Variants in CAST observed in about 807,000 individuals in gnomAD.
The protein encoded by CAST is calpastatin.
CAST carries 76 observed loss-of-function variants against 119.6 expected under a neutral mutation model. The observed-to-expected ratio is 0.64, with a 90% CI of 0.53 to 0.77. The LOEUF (loss-of-function observed/expected upper bound fraction) is 0.77. Among genes scored for constraint, CAST ranks in the 30% least tolerant of loss-of-function variants. The pLI, the probability that CAST is intolerant of heterozygous loss-of-function variation, is 0.00. For synonymous variants in CAST, 319 were observed against 331.6 expected (o/e 0.96, Z 0.41); for missense variants, 953 against 946.5 (o/e 1.01, Z -0.09).
chr5:96,405,530 G>C, the CAST span, among the ~76,000 whole-genome samples: 23 of 152,202 alleles, frequency 1.5e-4, no homozygotes, highest in Middle Eastern at 3.4e-3. Flanking sequence ...AATTAGCCAG[G>C]CATGGTGGCA....
chr5:96,437,761 A>G, the CAST span, among the ~76,000 whole-genome samples: 1 of 152,172 alleles, frequency 6.6e-6, no homozygotes, highest in South Asian at 2.1e-4. Flanking sequence ...TTAAAGTTTG[A>G]GACGCACTGA....
At chr5:96,538,649 T>C (rs1745860137) in intron 1 of CAST, among the ~76,000 whole-genome samples, 1 of 149,616 alleles carries the variant, frequency 6.7e-6, no homozygotes, top group African/African-American at 2.5e-5. Context: ...ACCTCAATCT[T>C]GTTTTGCAAC....
At chr5:96,131,004 C>T in the CAST span, among the ~76,000 whole-genome samples, 1 of 152,076 alleles carries the variant, frequency 6.6e-6, no homozygotes, top group Non-Finnish European at 1.5e-5. Context: ...ACACCTTTAT[C>T]TAGCAATTGT....
chr5:96,292,360 A>G, the CAST span, among the ~76,000 whole-genome samples: 3 of 152,210 alleles, frequency 2.0e-5, no homozygotes, highest in Non-Finnish European at 4.4e-5. Flanking sequence ...TTTTAATGTC[A>G]TAATAACTAC....
the CAST span, among the ~76,000 whole-genome samples, chr5:96,256,885 A>C: frequency 6.6e-6 from 1 of 152,190 alleles, no homozygotes; most frequent in Non-Finnish European, 1.5e-5. Flanking sequence ...GAGGGGCACC[A>C]GGAATCCAGG....
chr5:96,332,365 A>G, the CAST span, among the ~76,000 whole-genome samples: 2 of 150,910 alleles, frequency 1.3e-5, no homozygotes, highest in African/African-American at 2.4e-5. Flanking sequence ...GTTGTGTATC[A>G]CCTTCATTAA....
At chr5:96,010,131 T>C in the CAST span, among the ~76,000 whole-genome samples, 15 of 152,178 alleles carry the variant, frequency 9.9e-5, no homozygotes, top group African/African-American at 3.4e-4. Context: ...CTGAGTTTTC[T>C]ATTTTATTTC....
chr5:96,429,117 AAAC>A, the CAST span: 1 of 731,780 alleles, frequency 1.4e-6, no homozygotes, highest in Non-Finnish European at 2.4e-6. Context: ...AATAAAAAAA[AAAC>A]CACATTTGCA....
the CAST span, among the ~76,000 whole-genome samples, chr5:95,967,360 C>T: frequency 6.6e-6 from 1 of 151,678 alleles, no homozygotes; most frequent in South Asian, 2.1e-4. Flanking sequence ...CCACTATGAT[C>T]CTTCCTATGA....
Position 96,560,100 on chromosome 5 carries a change from T to C in CAST, c.60+30220T>C, listed in dbSNP as rs922790858. Among the ~76,000 whole-genome samples, 6 of 152,082 alleles carry C rather than the reference T, an allele frequency of 3.9e-5. No homozygotes were observed. In the South Asian group the frequency reaches 6.2e-4, roughly 16 times the overall value. On this transcript the variant is annotated intron_variant, in intron 1 of 11. Transcript: ENST00000505143. The stretch of plus-strand genomic sequence containing the variant: ...TGACAAACCTGACAAAAACAAGAAA[T>C]AGGGAAAGGATTCCCTATTTAATAA...
the CAST span, among the ~76,000 whole-genome samples, chr5:96,314,844 C>T: frequency 6.6e-6 from 1 of 152,212 alleles, no homozygotes; most frequent in Non-Finnish European, 1.5e-5. Flanking sequence ...ACATAAAGTA[C>T]ACACTCAATA....
At chr5:96,236,992 T>C in the CAST span, among the ~76,000 whole-genome samples, 1 of 152,180 alleles carries the variant, frequency 6.6e-6, no homozygotes, top group African/African-American at 2.4e-5. Flanking sequence ...CTGAATCCTA[T>C]AGCCTGTCTC....
the CAST span, among the ~76,000 whole-genome samples, chr5:96,111,620 T>G: frequency 6.6e-6 from 1 of 152,312 alleles, no homozygotes; most frequent in East Asian, 1.9e-4. Context: ...TGCTTTCACT[T>G]CTATTACTCA....
the CAST span, among the ~76,000 whole-genome samples, chr5:96,491,341 C>A: frequency 3.4e-5 from 4 of 118,978 alleles, no homozygotes; most frequent in Non-Finnish European, 3.8e-5. Context: ...AAAAAAAAAA[C>A]TTAGCCGGGT....
the CAST span, among the ~76,000 whole-genome samples, chr5:96,144,307 C>T: frequency 6.6e-6 from 1 of 152,158 alleles, no homozygotes; most frequent in Non-Finnish European, 1.5e-5. Flanking sequence ...TATAACATGA[C>T]TACTGACTCC....
upstream of CAST, among the ~76,000 whole-genome samples, chr5:96,660,530 T>C (rs1447484258): frequency 6.6e-6 from 1 of 152,218 alleles, no homozygotes; most frequent in African/African-American, 2.4e-5. Flanking sequence ...AATACTCTGT[T>C]GGAAAATAAC....
At chr5:96,697,298 T>G (rs1416487532) in intron 3 of CAST, among the ~76,000 whole-genome samples, 1 of 152,232 alleles carries the variant, frequency 6.6e-6, no homozygotes, top group Non-Finnish European at 1.5e-5. Flanking sequence ...TAAGCTTTTT[T>G]TTTTCTTTAA....
the CAST span, among the ~76,000 whole-genome samples, chr5:95,969,164 A>G: frequency 6.6e-6 from 1 of 152,244 alleles, no homozygotes; most frequent in East Asian, 1.9e-4. Context: ...TGATTGTGAC[A>G]GATGGAGCCA....
At chr5:96,511,747 A>C in the CAST span, among the ~76,000 whole-genome samples, 36 of 152,360 alleles carry the variant, frequency 2.4e-4, 1 homozygote, top group Admixed American at 1.2e-3. Flanking sequence ...TTCTCTGAGA[A>C]GCATGCAATC....
Sources: allele counts gnomAD v4.1 joint callset (sites outside exome capture counted in the v4.1 genomes callset), GRCh38; gene constraint gnomAD v4.1.1; transcripts MANE v1.5; gene names NCBI Gene and HGNC (gene_info 2026-07-23, HGNC 2026-07-21).